The following TCF7L2 variants were observed in gnomAD, a reference collection of about 807,000 sequenced individuals.
TCF7L2 encodes the protein transcription factor 7 like 2.
A neutral mutation model predicts 77.9 loss-of-function variants in TCF7L2; 23 were observed. The ratio of observed to expected loss-of-function variants is 0.30; its 90% CI spans 0.21 to 0.42. The LOEUF is 0.42. Ranked by LOEUF, TCF7L2 falls within the 10% of genes least tolerant of loss-of-function variation. The probability of loss-of-function intolerance (pLI) is 1.00; values close to 1 mark genes in which losing one functional copy is unlikely to be tolerated. For missense variants in TCF7L2, 654 were observed against 793.1 expected (o/e 0.82, Z 2.11); for synonymous variants, 413 against 340.2 (o/e 1.21, Z -2.36).
At chr10:112,994,831 G>A (rs2043173945) in intron 4 of TCF7L2, among the ~76,000 whole-genome samples, 1 of 152,060 alleles carries the variant, frequency 6.6e-6, no homozygotes. Context: ...CAGGCACAGT[G>A]GCTCATGCCT....
intron 4 of TCF7L2, among the ~76,000 whole-genome samples, chr10:113,021,015 G>A (rs1355410827): frequency 3.3e-5 from 5 of 152,304 alleles, no homozygotes; most frequent in Non-Finnish European, 4.4e-5. Flanking sequence ...CCCTGTGATC[G>A]TTCTCTTCTG....
At chr10:113,117,286 G>T (rs551898120) in intron 5 of TCF7L2, among the ~76,000 whole-genome samples, 1 of 152,024 alleles carries the variant, frequency 6.6e-6, no homozygotes, top group East Asian at 1.9e-4. Flanking sequence ...GTTCTTTGGG[G>T]AAAATAATCA....
At chr10:112,991,241 G>T (rs933238712) in intron 4 of TCF7L2, among the ~76,000 whole-genome samples, 1 of 152,050 alleles carries the variant, frequency 6.6e-6, no homozygotes, top group African/African-American at 2.4e-5. Flanking sequence ...TGAAAGTGGG[G>T]AACCCTGGCC....
intron 4 of TCF7L2, among the ~76,000 whole-genome samples, chr10:112,970,840 T>C (rs972308372): frequency 1.3e-5 from 2 of 152,204 alleles, no homozygotes; most frequent in Admixed American, 1.3e-4. Context: ...TGGAAACAGG[T>C]TCAGCCCTTG....
intron 5 of TCF7L2, among the ~76,000 whole-genome samples, chr10:113,086,872 C>A (rs2059894757): frequency 6.6e-6 from 1 of 151,656 alleles, no homozygotes; most frequent in Non-Finnish European, 1.5e-5. Flanking sequence ...AATTGGAAGT[C>A]ATTTATTAAG....
chr10:113,059,070 G>A (rs1028195246), intron 5 of TCF7L2, among the ~76,000 whole-genome samples: 24 of 152,278 alleles, frequency 1.6e-4, no homozygotes, highest in African/African-American at 5.3e-4. Flanking sequence ...AAGTGGTGTG[G>A]GGAGGGGAAG....
intron 5 of TCF7L2, among the ~76,000 whole-genome samples, chr10:113,066,998 T>C (rs1313059587): frequency 2.0e-5 from 3 of 152,252 alleles, no homozygotes; most frequent in African/African-American, 7.2e-5. Flanking sequence ...GAGCATTTAA[T>C]ATACTGCTGT....
At chr10:113,160,015 G>T (rs141962608) in intron 12 of TCF7L2, 23 bp downstream of exon 14, 136 of 1,611,062 alleles carry the variant, frequency 8.4e-5, no homozygotes, top group Non-Finnish European at 1.1e-4. Context: ...TTCCAGATTC[G>T]CTGTGCTGGT....
intron 6 of TCF7L2, 125 bp downstream of exon 6, chr10:113,141,441 G>C: frequency 7.3e-7 from 1 of 1,372,126 alleles, no homozygotes; most frequent in South Asian, 1.4e-5. Context: ...GTGGTGGGGG[G>C]GCCCCTGTTG....
At chr10:113,108,266 C>A (rs1489520738) in intron 5 of TCF7L2, among the ~76,000 whole-genome samples, 1 of 152,164 alleles carries the variant, frequency 6.6e-6, no homozygotes, top group East Asian at 1.9e-4. Context: ...GATGACAGAG[C>A]CCCCAGCCTC....
At chr10:113,029,983 T>C (rs370534056) in intron 4 of TCF7L2, among the ~76,000 whole-genome samples, 1 of 152,176 alleles carries the variant, frequency 6.6e-6, no homozygotes, top group African/African-American at 2.4e-5. Context: ...TTTTAGTCTA[T>C]TTAGTATATT....
intron 11 of TCF7L2, among the ~76,000 whole-genome samples, chr10:113,153,857 G>A (rs763833722): frequency 8.5e-5 from 13 of 152,228 alleles, no homozygotes; most frequent in Non-Finnish European, 1.3e-4. Flanking sequence ...TGCCTGCTCT[G>A]ATGAGTAATT....
intron 4 of TCF7L2, among the ~76,000 whole-genome samples, chr10:112,980,883 C>T (rs1055228520): frequency 1.8e-4 from 28 of 152,200 alleles, no homozygotes; most frequent in Non-Finnish European, 3.5e-4. Flanking sequence ...GCCTCAGCCT[C>T]CCAAAGTGCT....
intron 4 of TCF7L2, among the ~76,000 whole-genome samples, chr10:113,009,668 T>A (rs956142384): frequency 1.3e-5 from 2 of 152,200 alleles, no homozygotes; most frequent in Admixed American, 1.3e-4. Context: ...TCACATGACG[T>A]CCCTGAGATG....
At chr10:113,122,874 T>G (rs916603423) in intron 5 of TCF7L2, among the ~76,000 whole-genome samples, 8 of 152,180 alleles carry the variant, frequency 5.3e-5, no homozygotes, top group Non-Finnish European at 1.2e-4. Flanking sequence ...AAGAGAAGTG[T>G]AGAAACCAGA....
chr10:112,961,601 T>G (rs1356090675), intron 3 of TCF7L2, among the ~76,000 whole-genome samples: 4 of 151,940 alleles, frequency 2.6e-5, no homozygotes, highest in Non-Finnish European at 4.4e-5. Flanking sequence ...GAAAGAAAAG[T>G]GTGTTGGGAA....
At chr10:113,148,513 C>T (rs1364238121) in intron 8 of TCF7L2, among the ~76,000 whole-genome samples, 4 of 151,982 alleles carry the variant, frequency 2.6e-5, no homozygotes, top group African/African-American at 7.3e-5. Flanking sequence ...AAATCAAGGC[C>T]GGCAGATGAC....
At chr10:113,093,349 G>GGGCCATGGTTCTT (rs893149957) in intron 5 of TCF7L2, among the ~76,000 whole-genome samples, 1 of 152,140 alleles carries the variant, frequency 6.6e-6, no homozygotes, top group East Asian at 1.9e-4. Context: ...TGGGAATGAA[G>GGGCCATGGTTCTT]GGCCATGGTT....
At chr10:113,163,272 A>G (rs111472414) in intron 13 of TCF7L2, among the ~76,000 whole-genome samples, 2 of 152,234 alleles carry the variant, frequency 1.3e-5, no homozygotes, top group African/African-American at 4.8e-5. Flanking sequence ...TTGCCACACA[A>G]GGTTTCTAGT....
Sources: allele counts gnomAD v4.1 joint callset (sites outside exome capture counted in the v4.1 genomes callset), GRCh38; gene constraint gnomAD v4.1.1; transcripts MANE v1.5; gene names NCBI Gene and HGNC (gene_info 2026-07-23, HGNC 2026-07-21).